PRR14L: variants seen among roughly 807,000 people sequenced by gnomAD.
The protein encoded by PRR14L is proline rich 14 like.
PRR14L carries 80 observed loss-of-function variants against 155.0 expected under a neutral mutation model. The observed-to-expected ratio is 0.52, with a 90% CI of 0.43 to 0.62. The LOEUF is 0.62. PRR14L is among the 20% of genes least tolerant of loss of function. The probability of loss-of-function intolerance (pLI) is 0.00; values close to 1 mark genes in which losing one functional copy is unlikely to be tolerated. For missense variants in PRR14L, 2,469 were observed against 2,548.0 expected (o/e 0.97, Z 0.67); for synonymous variants, 883 against 916.0 (o/e 0.96, Z 0.65).
At chr22:31,740,278 G>A (rs2074805510) in intron 1 of PRR14L, among the ~76,000 whole-genome samples, 1 of 151,996 alleles carries the variant, frequency 6.6e-6, no homozygotes, top group African/African-American at 2.4e-5. Context: ...GGAGTGCAGT[G>A]GCATAATCTT....
intron 3 of PRR14L, among the ~76,000 whole-genome samples, chr22:31,718,376 C>T (rs1355876619): frequency 3.9e-5 from 6 of 152,164 alleles, no homozygotes; most frequent in Non-Finnish European, 7.3e-5. Flanking sequence ...CTGCCTCAGC[C>T]TCCCGAGTAG....
intron 1 of PRR14L, among the ~76,000 whole-genome samples, chr22:31,749,172 G>A (rs2074857672): frequency 6.6e-6 from 1 of 152,174 alleles, no homozygotes; most frequent in Admixed American, 6.5e-5. Flanking sequence ...CCAAATTGGA[G>A]ATGGACTGAG....
intron 7 of PRR14L, among the ~76,000 whole-genome samples, chr22:31,698,919 A>T (rs1453410313): frequency 6.9e-6 from 1 of 145,542 alleles, no homozygotes; most frequent in African/African-American, 2.5e-5. Context: ...GAGACTGTGT[A>T]AAAAAAAAAA....
intron 2 of PRR14L, among the ~76,000 whole-genome samples, chr22:31,734,581 C>T (rs904929533): frequency 7.9e-4 from 120 of 152,222 alleles, no homozygotes; most frequent in Non-Finnish European, 2.9e-5. Flanking sequence ...GCTGTTGCTG[C>T]TGCCCCACAT....
At position 31,713,415 on chromosome 22, in the gene PRR14L, GGAT is replaced by G. The variant is rs1428743523; in HGVS notation, c.4421_4423del (p.His1474del). On this transcript the variant is annotated inframe_deletion, in exon 4 of 9. Transcript: ENST00000327423. ...GCATGACTCAGTGTCCTTCCTTAAT[GGAT>G]GATGTAACCTTTCCTCCTTCTGGTC... is the stretch of plus-strand genomic sequence containing the variant. 5 of 1,551,852 alleles carry G rather than the reference GGAT, an allele frequency of 3.2e-6. No individual in the cohort carries two copies.
At chr22:31,739,022 C>A (rs112545547) in intron 1 of PRR14L, 111 bp from the exon 2 acceptor site, 1 of 553,610 alleles carries the variant, frequency 1.8e-6, no homozygotes, top group South Asian at 2.9e-5. Flanking sequence ...CTTTAAATGC[C>A]AGCATTATCT....
At chr22:31,733,063 A>C (rs2074758780) in intron 2 of PRR14L, among the ~76,000 whole-genome samples, 1 of 148,612 alleles carries the variant, frequency 6.7e-6, no homozygotes, top group African/African-American at 2.5e-5. Context: ...ATCTCGGCTC[A>C]CTACAACCCT....
At position 31,713,330 on chromosome 22, in the gene PRR14L, A is replaced by G; in HGVS notation, c.4509T>C (p.Cys1503=). ...TCGCAAAGGCACCATGTATTTGATC[A>G]CACCCAGCAGAGGAGGGGTCTTGTG... ...RKAQDPSSAG[C]DQIHGAFAKK... is the part of the protein sequence containing the mutation. The change falls in exon 4 of 9, where the codon TGT becomes TGC. Residue 1503 remains cysteine (C), a synonymous_variant. Transcript: ENST00000327423. 6.4e-7 allele frequency: 1 copy of G among 1,552,300 alleles called. No homozygotes were observed. The highest frequency in any genetic ancestry group is 8.7e-7 in the Non-Finnish European group (1 of 1,147,120).
At chr22:31,725,046 A>G (rs1275804505) in intron 3 of PRR14L, among the ~76,000 whole-genome samples, 1 of 152,166 alleles carries the variant, frequency 6.6e-6, no homozygotes, top group Non-Finnish European at 1.5e-5. Context: ...CCTTCTAAAC[A>G]GGCAAATACA....
In PRR14L at chr22:31,712,482, C is replaced by A; in HGVS notation, c.5357G>T (p.Ser1786Ile). Residue 1786 changes from serine to isoleucine, a missense_variant, in exon 4 of 9, where the codon AGT (serine) becomes ATT (isoleucine). By Grantham distance (142) the Ser-to-Ile change is moderately radical. Transcript: ENST00000327423. ...ATFREDTGVHSQTHTQAPPQP... is the reference protein window; with the variant it reads ...ATFREDTGVHIQTHTQAPPQP... ...GGGAGGAGCCTGAGTGTGGGTCTGA[C>A]TATGGACGCCAGTGTCTTCCCTGAA... 1.9e-6 allele frequency: 3 copies of A among 1,552,362 alleles called. No individual in the cohort carries two copies. The Middle Eastern group carries it at 5.0e-4, about 259-fold the overall frequency.
intron 3 of PRR14L, among the ~76,000 whole-genome samples, chr22:31,721,587 C>A (rs2074690627): frequency 6.6e-6 from 1 of 150,938 alleles, no homozygotes; most frequent in South Asian, 2.1e-4. Context: ...AAGGTTCAAT[C>A]TGTTGCCGTT....
intron 2 of PRR14L, among the ~76,000 whole-genome samples, chr22:31,734,788 C>T (rs2074769573): frequency 6.6e-6 from 1 of 152,282 alleles, no homozygotes; most frequent in African/African-American, 2.4e-5. Context: ...TTTTCTATAC[C>T]TCTCACACAC....
In PRR14L at chr22:31,685,386, G is replaced by A; in HGVS notation, c.*141C>T. On this transcript the variant is annotated 3_prime_UTR_variant, in exon 9 of 9. Transcript: ENST00000327423. ...CACCTTGAAATAGGTAAAAATTCAT[G>A]GACTGTGCATTTTTGAGTGGTTTGG... The A allele has an allele frequency of 1.5e-6, 1 of 676,414 alleles. No individual in the cohort carries two copies. The highest frequency in any genetic ancestry group is 2.0e-5 in the South Asian group (1 of 49,762). The allele number at this position is 676,414 out of a possible 1,614,324, so 41.9% of individuals were successfully genotyped here.
chr22:31,715,416 T>G lies in PRR14L; in HGVS notation c.2423A>C (p.Lys808Thr), dbSNP rs1569498891. The G allele has an allele frequency of 6.4e-7, 1 of 1,552,232 alleles. No homozygotes were observed. The highest frequency in any genetic ancestry group is 8.7e-7 in the Non-Finnish European group (1 of 1,147,124). ...ENMCSASAAF[K>T]SSKISLQVDN... ...AACTTGCAGGCTGATTTTGCTGGAC[T>G]TGAAAGCAGCAGAAGCAGAACACAT... The change falls in exon 4 of 9, where the codon AAG becomes ACG. Residue 808 changes from lysine to threonine, a missense_variant. Lys to Thr is a moderately conservative substitution (Grantham distance 78). This residue lies in a region of PRR14L where 2,363 missense variants were observed against 2,371.6 expected (regional missense o/e 1.00). Transcript: ENST00000327423.
At chr22:31,743,801 C>T (rs1465359506) in intron 1 of PRR14L, among the ~76,000 whole-genome samples, 1 of 144,666 alleles carries the variant, frequency 6.9e-6, no homozygotes, top group Non-Finnish European at 1.5e-5. Flanking sequence ...GACCCTGCCT[C>T]GAAAAAAAAA....
Position 31,712,384 on chromosome 22 carries a change from C to T in PRR14L, c.5455G>A (p.Gly1819Ser), listed in dbSNP as rs1424899828. The T allele has an allele frequency of 6.2e-7, 1 of 1,607,700 alleles. No individual in the cohort carries two copies. The change falls in exon 4 of 9, where the codon GGC becomes AGC. Residue 1819 changes from glycine (G) to serine (S), a missense_variant. Coordinates refer to ENST00000327423, the MANE Select transcript of PRR14L (RefSeq NM_173566.3). ...CAAAGTGCTAGAAGTGTGTGAAGGC[C>T]AAGGACAGAGCAGTCTGCTCTGGTC... is the stretch of plus-strand genomic sequence containing the variant. ...VQTRADCSVLGLHTLLALCSP... is the reference protein window; with the variant it reads ...VQTRADCSVLSLHTLLALCSP...
chr22:31,727,345 T>A (rs950546866), intron 2 of PRR14L, among the ~76,000 whole-genome samples: 1 of 151,694 alleles, frequency 6.6e-6, no homozygotes, highest in African/African-American at 2.4e-5. Context: ...GCGATTCTCC[T>A]GCCTCAGCCT....
At position 31,738,872 on chromosome 22, in the gene PRR14L, C is replaced by T; in HGVS notation, c.-12G>A. On this transcript the variant is annotated 5_prime_UTR_variant, in exon 2 of 9. Coordinates refer to ENST00000327423, the MANE Select transcript of PRR14L (RefSeq NM_173566.3). ...CCAGATGACAGCATTAGGACAGATG[C>T]AGATTATGGAGTCAAGTCTTTTACA... 6.7e-7 allele frequency: 1 copy of T among 1,487,410 alleles called. No homozygotes were observed. Among genetic ancestry groups the T allele is most frequent in the South Asian group, 1.2e-5 (1 of 82,360 alleles). 92.1% of individuals were successfully genotyped at this position (1,487,410 alleles called of 1,614,324 possible).
chr22:31,717,651 T>C (rs1256544706), intron 3 of PRR14L, among the ~76,000 whole-genome samples: 1 of 152,208 alleles, frequency 6.6e-6, no homozygotes, highest in Non-Finnish European at 1.5e-5. Flanking sequence ...AGACTCACAA[T>C]AACAGCTTAT....
Sources: allele counts gnomAD v4.1 joint callset (sites outside exome capture counted in the v4.1 genomes callset), GRCh38; gene constraint gnomAD v4.1.1; regional missense constraint gnomAD v4.1.1; transcripts MANE v1.5; gene names NCBI Gene and HGNC (gene_info 2026-07-23, HGNC 2026-07-21).